The following HMCN1 variants were observed in gnomAD, a reference collection of about 807,000 sequenced individuals.
HMCN1 encodes hemicentin-1.
Under a neutral mutation model 625.9 loss-of-function variants are expected in HMCN1, and 321 were observed. The ratio of observed to expected loss-of-function variants is 0.51; its 90% CI spans 0.47 to 0.56. The LOEUF (loss-of-function observed/expected upper bound fraction) is 0.56, where lower values mean the gene tolerates loss of function less well. Ranked by LOEUF, HMCN1 falls within the 20% of genes least tolerant of loss-of-function variation. HMCN1 has a pLI of 0.00. For synonymous variants in HMCN1, 2,425 were observed against 2,417.6 expected, an observed-to-expected ratio of 1.00 and a Z score of -0.09; for missense variants, 6,588 against 6,887.3, an observed-to-expected ratio of 0.96 and a Z score of 1.54.
intron 24 of HMCN1, among the ~76,000 whole-genome samples, chr1:185,996,786 GA>G (rs1302511454): frequency 2.6e-5 from 4 of 152,136 alleles, no homozygotes; most frequent in African/African-American, 9.7e-5. Flanking sequence ...ATTTCTTCAT[GA>G]AATGAATGGA....
intron 1 of HMCN1, among the ~76,000 whole-genome samples, chr1:185,744,411 T>C (rs184698673): frequency 6.6e-6 from 1 of 152,316 alleles, no homozygotes; most frequent in East Asian, 1.9e-4. Flanking sequence ...TGCTTTACTA[T>C]ATTGTTCCTT....
intron 1 of HMCN1, among the ~76,000 whole-genome samples, chr1:185,818,526 T>G (rs1659980054): frequency 6.6e-6 from 1 of 152,206 alleles, no homozygotes; most frequent in East Asian, 1.9e-4. Context: ...TTGTATATAA[T>G]TTTTCAGATG....
intron 29 of HMCN1, among the ~76,000 whole-genome samples, chr1:186,005,492 A>G (rs1407632370): frequency 6.6e-6 from 1 of 151,364 alleles, no homozygotes; most frequent in Non-Finnish European, 1.5e-5. Flanking sequence ...AATTGTTTAT[A>G]AATGTTTATA....
intron 20 of HMCN1, 58 bp downstream of exon 20, chr1:185,987,602 G>A: frequency 8.9e-7 from 1 of 1,127,600 alleles, no homozygotes; most frequent in Non-Finnish European, 1.4e-6. Flanking sequence ...TCACCTGCAA[G>A]TTATCCCTAG....
At chr1:186,094,188 C>T in intron 66 of HMCN1, 88 bp from the exon 67 acceptor site, 2 of 1,032,492 alleles carry the variant, frequency 1.9e-6, no homozygotes, top group Middle Eastern at 2.0e-4. Context: ...TAAATCACCA[C>T]CTATAGCCTA....
At chr1:185,747,413 G>A (rs1200413099) in intron 1 of HMCN1, among the ~76,000 whole-genome samples, 1 of 151,572 alleles carries the variant, frequency 6.6e-6, no homozygotes, top group Non-Finnish European at 1.5e-5. Context: ...CCACCTCCTT[G>A]GTTCAAGCAA....
chr1:185,894,453 A>G (rs1665361865), intron 4 of HMCN1, among the ~76,000 whole-genome samples: 1 of 152,316 alleles, frequency 6.6e-6, no homozygotes, highest in East Asian at 1.9e-4. Flanking sequence ...ATTGTTCAGA[A>G]CATTCTAGGA....
chr1:186,128,327 A>T, intron 83 of HMCN1, 36 bp downstream of exon 83: 1 of 1,507,618 alleles, frequency 6.6e-7, no homozygotes, highest in Non-Finnish European at 9.2e-7. Flanking sequence ...GAATAAATAC[A>T]CCTATGTAGA....
chr1:185,947,420 GTCT>G (rs1385756430), intron 11 of HMCN1, among the ~76,000 whole-genome samples: 1 of 152,164 alleles, frequency 6.6e-6, no homozygotes, highest in Non-Finnish European at 1.5e-5. Flanking sequence ...TACAGCTCTA[GTCT>G]TCTATACAAA....
chr1:186,114,938 AG>A lies in HMCN1; in HGVS notation c.11398del (p.Val3800SerfsTer14). On this transcript the variant is annotated frameshift_variant, in exon 74 of 107. Coordinates refer to ENST00000271588, the MANE Select transcript of HMCN1 (RefSeq NM_031935.3). LOFTEE classifies it high-confidence loss of function. ...AGTDRRRIDL[Q>X]VHVPPSIAPG... ...ACAGATCGCAGGCGAATAGATTTAC[AG>A]GTCCATGGTAAATATCCGTTTATAG... 2 of 1,614,180 alleles carry A rather than the reference AG, an allele frequency of 1.2e-6. No individual in the cohort carries two copies. The highest frequency in any genetic ancestry group is 1.7e-6 in the Non-Finnish European group (2 of 1,180,010).
Position 186,130,022 on chromosome 1 carries a change from G to A in HMCN1, c.12961G>A (p.Glu4321Lys). The A allele has an allele frequency of 6.2e-7, 1 of 1,613,278 alleles. No homozygotes were observed. Among genetic ancestry groups the A allele is most frequent in the Non-Finnish European group, 8.5e-7 (1 of 1,179,440 alleles). Residue 4321 changes from glutamate (E) to lysine (K), a missense_variant, in exon 84 of 107, where the codon GAG becomes AAG. Glu to Lys is a moderately conservative substitution (Grantham distance 56, BLOSUM62 1). Transcript: ENST00000271588. The stretch of plus-strand genomic sequence containing the variant: ...ACTTGTTATTGAAAGAGTGTCAAAA[G>A]AGGATTCAGGTACTTATGTGTGCAC... Reference protein sequence around the residue: ...SELVIERVSKEDSGTYVCTAE... With the variant: ...SELVIERVSKKDSGTYVCTAE...
intron 1 of HMCN1, among the ~76,000 whole-genome samples, chr1:185,785,846 G>T (rs1657529817): frequency 6.6e-6 from 1 of 152,120 alleles, no homozygotes; most frequent in Non-Finnish European, 1.5e-5. Flanking sequence ...TCTTTAGTGG[G>T]ATATTTTAAA....
chr1:186,126,000 C>T (rs931358906), intron 82 of HMCN1, among the ~76,000 whole-genome samples: 1 of 151,984 alleles, frequency 6.6e-6, no homozygotes, highest in Non-Finnish European at 1.5e-5. Context: ...TAAATGCCCT[C>T]CTTCGAAAAT....
At chr1:186,070,065 G>GA (rs1310175905) in intron 51 of HMCN1, among the ~76,000 whole-genome samples, 1 of 152,176 alleles carries the variant, frequency 6.6e-6, no homozygotes, top group African/African-American at 2.4e-5. Flanking sequence ...TCTGGGTTGA[G>GA]ATGTAGTACT....
intron 35 of HMCN1, among the ~76,000 whole-genome samples, chr1:186,021,661 G>A: frequency 6.6e-6 from 1 of 152,038 alleles, no homozygotes. Context: ...AGGTTAAGTG[G>A]GAGTTTACAT....
chr1:186,151,406 T>G, intron 94 of HMCN1, 57 bp downstream of exon 94: 1 of 1,511,150 alleles, frequency 6.6e-7, no homozygotes. Flanking sequence ...TTCATCTTAT[T>G]ACTTCCATTA....
intron 70 of HMCN1, 78 bp downstream of exon 70, chr1:186,107,043 C>T: frequency 2.3e-6 from 2 of 866,890 alleles, no homozygotes; most frequent in Admixed American, 3.4e-5. Flanking sequence ...CACAGCACAT[C>T]ACAGGATATG....
At chr1:186,078,281 T>C (rs1658951768) in intron 55 of HMCN1, 61 bp downstream of exon 55, 2 of 1,200,212 alleles carry the variant, frequency 1.7e-6, no homozygotes, top group East Asian at 2.5e-5. Context: ...GAGGAACTAA[T>C]GTTTGCAGGA....
rs767099854 is a variant in HMCN1, at chr1:186,130,060, C to T, written c.12999C>T (p.Ser4333=). 11 of 1,613,196 alleles carry T rather than the reference C, an allele frequency of 6.8e-6. No homozygotes were observed. In the South Asian group the frequency reaches 1.1e-4, roughly 16 times the overall value. ...CTTATGTGTGCACCGCAGAGAACAG[C>T]GTTGGCTTTGTGAAGGCAATTGGAT... is the stretch of plus-strand genomic sequence containing the variant. The part of the protein sequence containing the change: ...SGTYVCTAEN[S]VGFVKAIGFV... Residue 4333 remains serine, a synonymous_variant, in exon 84 of 107, where the codon AGC becomes AGT. Coordinates refer to ENST00000271588, the MANE Select transcript of HMCN1 (RefSeq NM_031935.3).
Sources: allele counts gnomAD v4.1 joint callset (sites outside exome capture counted in the v4.1 genomes callset), GRCh38; gene constraint gnomAD v4.1.1; transcripts MANE v1.5; gene names NCBI Gene and HGNC (gene_info 2026-07-23, HGNC 2026-07-21).